Variants in SGCD observed in about 807,000 individuals in gnomAD.
The protein encoded by SGCD is sarcoglycan delta.
SGCD carries 18 observed loss-of-function variants against 36.6 expected under a neutral mutation model. The ratio of observed to expected loss-of-function variants is 0.49; its 90% CI spans 0.34 to 0.73. The LOEUF is 0.73. Among genes scored for constraint, SGCD ranks in the 30% least tolerant of loss-of-function variants. SGCD has a pLI of 0.01. For synonymous variants in SGCD, 133 were observed against 130.6 expected, an observed-to-expected ratio of 1.02 and a Z score of -0.12; for missense variants, 387 against 346.7, an observed-to-expected ratio of 1.12 and a Z score of -0.92.
chr5:156,002,950 C>G (rs1398036610), intron 1 of SGCD, among the ~76,000 whole-genome samples: 1 of 152,200 alleles, frequency 6.6e-6, no homozygotes, highest in East Asian at 1.9e-4. Flanking sequence ...TTTTTAGTGT[C>G]ACCTTCTTGC....
At chr5:156,637,254 T>TC (rs979249765) in intron 6 of SGCD, among the ~76,000 whole-genome samples, 1 of 152,084 alleles carries the variant, frequency 6.6e-6, no homozygotes, top group Non-Finnish European at 1.5e-5. Context: ...TCCTGAGTCC[T>TC]CCCCCAAGCC....
At chr5:156,700,795 T>A (rs1291612520) in intron 7 of SGCD, among the ~76,000 whole-genome samples, 2 of 151,864 alleles carry the variant, frequency 1.3e-5, no homozygotes, top group African/African-American at 4.8e-5. Flanking sequence ...AATAGAAAAT[T>A]AGCCAGGTGT....
At chr5:155,797,699 C>T in the SGCD span, among the ~76,000 whole-genome samples, 1 of 152,224 alleles carries the variant, frequency 6.6e-6, no homozygotes, top group Non-Finnish European at 1.5e-5. Context: ...TCCCCAAGCT[C>T]TCAGAGCTTT....
At chr5:156,231,834 T>C (rs1239246659) in intron 3 of SGCD, among the ~76,000 whole-genome samples, 1 of 152,170 alleles carries the variant, frequency 6.6e-6, no homozygotes, top group Admixed American at 6.5e-5. Flanking sequence ...GGAAGCTTGC[T>C]TTAGAACATG....
chr5:155,828,386 C>G, the SGCD span, among the ~76,000 whole-genome samples: 2 of 152,132 alleles, frequency 1.3e-5, no homozygotes, highest in Admixed American at 1.3e-4. Flanking sequence ...TTGCTTTCTA[C>G]CTTATTGGCT....
At chr5:156,364,174 A>G (rs1448273267) in intron 3 of SGCD, among the ~76,000 whole-genome samples, 5 of 152,208 alleles carry the variant, frequency 3.3e-5, no homozygotes, top group Admixed American at 3.3e-4. Context: ...TGGGATTATG[A>G]CAGCAGAAGT....
At chr5:156,684,329 A>AT (rs1753829548) in intron 7 of SGCD, among the ~76,000 whole-genome samples, 1 of 152,188 alleles carries the variant, frequency 6.6e-6, no homozygotes. Context: ...AGTCAGCAGC[A>AT]TGAGCTCCTC....
chr5:156,073,561 T>C (rs1331209842), intron 1 of SGCD, among the ~76,000 whole-genome samples: 3 of 152,170 alleles, frequency 2.0e-5, no homozygotes, highest in Non-Finnish European at 4.4e-5. Flanking sequence ...AGACCCTGTC[T>C]CAAAAAGGTA....
chr5:156,179,376 A>T (rs1248375649), intron 3 of SGCD, among the ~76,000 whole-genome samples: 1 of 152,168 alleles, frequency 6.6e-6, no homozygotes, highest in Admixed American at 6.5e-5. Flanking sequence ...TTATTCATTT[A>T]CGTATTGCAA....
chr5:156,128,142 CAA>C (rs1161274309), intron 3 of SGCD, among the ~76,000 whole-genome samples: 1 of 151,922 alleles, frequency 6.6e-6, no homozygotes, highest in African/African-American at 2.4e-5. Flanking sequence ...AAATAGCCAA[CAA>C]AGACAAGCAG....
At chr5:155,751,769 C>T in the SGCD span, among the ~76,000 whole-genome samples, 4 of 151,548 alleles carry the variant, frequency 2.6e-5, no homozygotes, top group Admixed American at 6.6e-5. Flanking sequence ...CAAGAACCAA[C>T]GTTCTGCTCT....
At chr5:156,722,091 C>A (rs906619664) in intron 7 of SGCD, among the ~76,000 whole-genome samples, 3 of 152,114 alleles carry the variant, frequency 2.0e-5, no homozygotes, top group Non-Finnish European at 4.4e-5. Flanking sequence ...ATTCCTAGAG[C>A]GAAATCATAT....
intron 1 of SGCD, among the ~76,000 whole-genome samples, chr5:155,884,757 CT>C (rs1287138584): frequency 6.6e-6 from 1 of 152,202 alleles, no homozygotes; most frequent in Admixed American, 6.5e-5. Context: ...ACTTAAAACT[CT>C]GTGAACCTCA....
intron 1 of SGCD, among the ~76,000 whole-genome samples, chr5:155,932,359 C>A (rs1757115122): frequency 6.6e-6 from 1 of 152,160 alleles, no homozygotes; most frequent in Non-Finnish European, 1.5e-5. Flanking sequence ...CACTGGGTAG[C>A]AAGCTTGACT....
intron 3 of SGCD, among the ~76,000 whole-genome samples, chr5:156,356,973 C>G (rs371836423): frequency 1.2e-4 from 18 of 152,240 alleles, no homozygotes; most frequent in African/African-American, 3.4e-4. Flanking sequence ...CTAGAGCCTC[C>G]AGAGGGCTTG....
intron 7 of SGCD, among the ~76,000 whole-genome samples, chr5:156,674,945 A>C (rs1454925439): frequency 6.6e-6 from 1 of 152,190 alleles, no homozygotes; most frequent in Non-Finnish European, 1.5e-5. Context: ...TATTGATGAG[A>C]AAACTGAGAG....
chr5:156,517,988 G>A (rs978307893), intron 4 of SGCD, among the ~76,000 whole-genome samples: 8 of 152,072 alleles, frequency 5.3e-5, no homozygotes, highest in Admixed American at 3.9e-4. Context: ...TTCACACATA[G>A]CAATATTAAC....
At chr5:156,187,286 A>G (rs563217470) in intron 3 of SGCD, among the ~76,000 whole-genome samples, 1 of 152,222 alleles carries the variant, frequency 6.6e-6, no homozygotes, top group East Asian at 1.9e-4. Flanking sequence ...TATGATTTCA[A>G]TAGGATAATG....
intron 3 of SGCD, among the ~76,000 whole-genome samples, chr5:156,370,409 G>A (rs1184105801): frequency 2.6e-5 from 4 of 152,152 alleles, no homozygotes; most frequent in African/African-American, 9.7e-5. Context: ...AGGAGGCCAG[G>A]AAGTAAACAC....
Sources: gnomAD v4.1 joint callset for allele counts (sites outside exome capture counted in the v4.1 genomes callset) on GRCh38, gnomAD v4.1.1 for gene constraint, MANE v1.5 for transcripts, NCBI Gene and HGNC (gene_info 2026-07-23, HGNC 2026-07-21) for gene names.